Variants in TPST1 observed in about 807,000 individuals in gnomAD.
TPST1 encodes tyrosylprotein sulfotransferase 1.
TPST1 carries 20 observed loss-of-function variants against 34.8 expected under a neutral mutation model. That is an observed-to-expected ratio of 0.57 (90% confidence interval 0.40 to 0.84). TPST1 has a LOEUF of 0.84. Ranked by LOEUF, TPST1 falls within the 40% of genes least tolerant of loss-of-function variation. The pLI, the probability that TPST1 is intolerant of heterozygous loss-of-function variation, is 0.00. For missense variants in TPST1, 353 were observed against 455.5 expected (o/e 0.78, Z 2.05); for synonymous variants, 152 against 159.4 (o/e 0.95, Z 0.35).
chr7:66,260,437 C>T (rs1217155332), intron 2 of TPST1, among the ~76,000 whole-genome samples: 3 of 152,134 alleles, frequency 2.0e-5, no homozygotes, highest in African/African-American at 4.8e-5. Context: ...GGATGCTCAA[C>T]GTGTACTTGA....
At chr7:66,287,005 T>TCCCCCCC (rs1791056945) in intron 3 of TPST1, among the ~76,000 whole-genome samples, 1 of 75,920 alleles carries the variant, frequency 1.3e-5, no homozygotes, top group African/African-American at 5.7e-5. Context: ...CCCTCCCCCC[T>TCCCCCCC]CCCCCAACCC....
intron 2 of TPST1, among the ~76,000 whole-genome samples, chr7:66,243,876 T>C (rs1403491298): frequency 6.6e-6 from 1 of 151,958 alleles, no homozygotes; most frequent in African/African-American, 2.4e-5. Flanking sequence ...TAATAAAGAA[T>C]TTATTGCCCA....
intron 1 of TPST1, among the ~76,000 whole-genome samples, chr7:66,233,753 C>A (rs1181888784): frequency 6.6e-6 from 1 of 152,180 alleles, no homozygotes; most frequent in Admixed American, 6.5e-5. Context: ...TCATAAAATT[C>A]ATATCTTTAA....
intron 2 of TPST1, among the ~76,000 whole-genome samples, chr7:66,256,259 T>C (rs896303340): frequency 2.0e-5 from 3 of 152,242 alleles, no homozygotes; most frequent in Non-Finnish European, 2.9e-5. Context: ...AGAATTTCTC[T>C]TCTATTTCTA....
chr7:66,222,305 A>G (rs574625381), intron 1 of TPST1, among the ~76,000 whole-genome samples: 1 of 152,140 alleles, frequency 6.6e-6, no homozygotes. Flanking sequence ...GAATGGCATG[A>G]ACCCCGGGAG....
At chr7:66,343,673 C>T (rs78555442) in intron 3 of TPST1, among the ~76,000 whole-genome samples, 2,957 of 152,226 alleles carry the variant, frequency 0.019, 67 homozygotes, top group East Asian at 0.093. Context: ...GACTTTTTAC[C>T]GCAGTTTCTT....
chr7:66,269,738 G>A (rs974756459), intron 2 of TPST1, among the ~76,000 whole-genome samples: 4 of 152,134 alleles, frequency 2.6e-5, no homozygotes, highest in Non-Finnish European at 5.9e-5. Context: ...TTTGTCAGAT[G>A]GTAATAAGCG....
In TPST1 at chr7:66,328,274, G is replaced by A. The variant is rs539535342; in HGVS notation, c.1045-24231G>A. On this transcript the variant is annotated intron_variant, in intron 3 of 5. Coordinates refer to ENST00000304842, the MANE Select transcript of TPST1 (RefSeq NM_003596.4). ...ACTCCTGAGCTCAGGCAATCTTCTCGCCCCAGCCTCCCAAAGTGCTGGGAT... is the reference window on the plus strand; with the variant it reads ...ACTCCTGAGCTCAGGCAATCTTCTCACCCCAGCCTCCCAAAGTGCTGGGAT... Among the ~76,000 whole-genome samples the A allele has an allele frequency of 3.9e-4, 59 of 151,734 alleles. 1 individual carries two copies. Among genetic ancestry groups the A allele is most frequent in the Admixed American group, 1.6e-3 (24 of 15,248 alleles).
At position 66,281,267 on chromosome 7, in the gene TPST1, A is replaced by G. The variant is rs190338341; in HGVS notation, c.846-5244A>G. 2.2e-3 allele frequency among the ~76,000 whole-genome samples: 331 copies of G among 152,246 alleles called. 1 individual carries two copies. The highest frequency in any genetic ancestry group is 6.8e-3 in the Middle Eastern group (2 of 294). ...GAGGATTTTTGCATCTGTGTTCATCAGGGATATTGGCCTGAAGTTTTCTTT... is the reference window on the plus strand; with the variant it reads ...GAGGATTTTTGCATCTGTGTTCATCGGGGATATTGGCCTGAAGTTTTCTTT... On this transcript the variant is annotated intron_variant, in intron 2 of 5. Transcript: ENST00000304842.
At chr7:66,224,509 C>T (rs554857938) in intron 1 of TPST1, among the ~76,000 whole-genome samples, 1 of 152,272 alleles carries the variant, frequency 6.6e-6, no homozygotes, top group South Asian at 2.1e-4. Context: ...GACATGTCCC[C>T]AGCATCTCTT....
intron 1 of TPST1, among the ~76,000 whole-genome samples, chr7:66,209,854 G>A (rs1789208700): frequency 6.6e-6 from 1 of 152,138 alleles, no homozygotes; most frequent in African/African-American, 2.4e-5. Flanking sequence ...TTTTTCTAGA[G>A]ATGGGAGTCT....
chr7:66,215,106 G>A (rs1384828233), intron 1 of TPST1, among the ~76,000 whole-genome samples: 1 of 148,374 alleles, frequency 6.7e-6, no homozygotes, highest in African/African-American at 2.5e-5. Context: ...CCAGGTTGGA[G>A]TGCAGTGGCG....
chr7:66,298,025 T>G (rs568287389), intron 3 of TPST1, among the ~76,000 whole-genome samples: 1 of 152,324 alleles, frequency 6.6e-6, no homozygotes, highest in South Asian at 2.1e-4. Context: ...TGTTGTTGAT[T>G]TCTAATGTGA....
intron 2 of TPST1, among the ~76,000 whole-genome samples, chr7:66,245,962 T>C (rs1254346990): frequency 6.6e-6 from 1 of 152,044 alleles, no homozygotes; most frequent in African/African-American, 2.4e-5. Flanking sequence ...AACTTCTCCT[T>C]TGTGAAGGCA....
intron 1 of TPST1, among the ~76,000 whole-genome samples, chr7:66,208,319 A>G (rs1031824256): frequency 5.9e-5 from 9 of 152,234 alleles, no homozygotes; most frequent in Admixed American, 5.2e-4. Flanking sequence ...TGGGAGCATC[A>G]CCCTGGTGAG....
At chr7:66,270,610 C>G (rs187729568) in intron 2 of TPST1, among the ~76,000 whole-genome samples, 44 of 152,324 alleles carry the variant, frequency 2.9e-4, no homozygotes, top group African/African-American at 1.0e-3. Context: ...CCTTTCTTTA[C>G]CATACACTAT....
chr7:66,333,560 TA>T (rs1403528977), intron 3 of TPST1, among the ~76,000 whole-genome samples: 1 of 152,206 alleles, frequency 6.6e-6, no homozygotes, highest in African/African-American at 2.4e-5. Flanking sequence ...CTGGGAAGGT[TA>T]AAAAATCTTT....
At chr7:66,249,870 T>A (rs1024614720) in intron 2 of TPST1, among the ~76,000 whole-genome samples, 1 of 152,238 alleles carries the variant, frequency 6.6e-6, no homozygotes, top group African/African-American at 2.4e-5. Flanking sequence ...ATTTCAAGAT[T>A]TAGTTCAGGT....
At chr7:66,320,464 G>T (rs971889118) in intron 3 of TPST1, among the ~76,000 whole-genome samples, 1 of 151,680 alleles carries the variant, frequency 6.6e-6, no homozygotes, top group Non-Finnish European at 1.5e-5. Flanking sequence ...AGCCAGGATG[G>T]TCTCGATCTC....
Sources: gnomAD v4.1 joint callset for allele counts (sites outside exome capture counted in the v4.1 genomes callset) on GRCh38, gnomAD v4.1.1 for gene constraint, MANE v1.5 for transcripts, NCBI Gene and HGNC (gene_info 2026-07-23, HGNC 2026-07-21) for gene names.